TNRC18: variants seen among roughly 807,000 people sequenced by gnomAD.
TNRC18 encodes trinucleotide repeat containing 18.
Under a neutral mutation model 226.7 loss-of-function variants are expected in TNRC18, and 69 were observed. The observed-to-expected ratio is 0.30, with a 90% CI of 0.25 to 0.37. TNRC18 has a LOEUF of 0.37. TNRC18 is among the 10% of genes least tolerant of loss of function. TNRC18 has a pLI of 1.00. For synonymous variants in TNRC18, 2,449 were observed against 1,927.6 expected, an observed-to-expected ratio of 1.27 and a Z score of -7.09; for missense variants, 4,754 against 4,256.6, an observed-to-expected ratio of 1.12 and a Z score of -3.25.
chr7:5,312,890 GGAGGAA>G lies in TNRC18; in HGVS notation c.7995_8000del (p.Ser2670_Ser2671del), dbSNP rs1204230581. ...CCTCGTCTGTGGTGGAGGAAGAAGA[GGAGGAA>G]GAGGAGGAGGAGGAGGAGGATGAGG... is the stretch of plus-strand genomic sequence containing the variant. On this transcript the variant is annotated inframe_deletion, in exon 27 of 30. Transcript: ENST00000430969. This position sits in a 1 kb window ranked among gnomAD's most constrained non-coding sequence, Gnocchi z 6.3. The G allele has an allele frequency of 2.2e-5, 34 of 1,518,500 alleles. No homozygotes were observed. Among genetic ancestry groups the G allele is most frequent in the Admixed American group, 6.2e-5 (3 of 48,576 alleles). 94.1% of individuals were successfully genotyped at this position (1,518,500 alleles called of 1,614,324 possible). A position where few individuals can be genotyped will look rare whatever the true frequency, so the allele number is the denominator to read the frequency against.
chr7:5,345,544 C>G lies in TNRC18; in HGVS notation c.5719+18G>C, dbSNP rs1187785625. 7.0e-6 allele frequency: 10 copies of G among 1,423,506 alleles called. No individual in the cohort carries two copies. Among genetic ancestry groups the G allele is most frequent in the Non-Finnish European group, 6.5e-6 (7 of 1,079,996 alleles). 88.2% of individuals were successfully genotyped at this position (1,423,506 alleles called of 1,614,324 possible). A position where few individuals can be genotyped will look rare whatever the true frequency, so the allele number is the denominator to read the frequency against. On this transcript the variant is annotated intron_variant, in intron 18 of 29. Transcript: ENST00000430969. ...CCCTCCCACCCACCCCCACCGCAGC[C>G]CACCTGCTGCCACTTACCCAGCAGG...
In TNRC18 at chr7:5,376,195, G is replaced by A; in HGVS notation, c.2638C>T (p.Pro880Ser). ...AELMERATVP[P>S]LWPALYPPGR... ...GGCGGGTACAGGGCGGGCCAGAGGG[G>A]CGGTACGGTGGCCCGCTCCATCAGC... Residue 880 changes from proline (P) to serine (S), a missense_variant, in exon 9 of 30, where the codon CCC (proline) becomes TCC (serine). Pro to Ser is a moderately conservative substitution (Grantham distance 74). Transcript: ENST00000430969. The A allele has an allele frequency of 6.5e-7, 1 of 1,532,272 alleles. No individual in the cohort carries two copies. The highest frequency in any genetic ancestry group is 1.2e-5 in the South Asian group (1 of 80,324). 94.9% of individuals were successfully genotyped at this position (1,532,272 alleles called of 1,614,324 possible).
chr7:5,370,976 C>T lies in TNRC18; in HGVS notation c.3618G>A (p.Leu1206=), dbSNP rs746779527. The T allele has an allele frequency of 2.5e-6, 4 of 1,605,868 alleles. No homozygotes were observed. Among genetic ancestry groups the T allele is most frequent in the Admixed American group, 1.7e-5 (1 of 60,006 alleles). Residue 1206 remains leucine, a synonymous_variant, in exon 11 of 30, where the codon CTG becomes CTA. Transcript: ENST00000430969. The part of the protein sequence containing the change: ...CGGGLLEAQA[L]SATGQSCAEP... ...CTGCGCAGCTCTGCCCGGTGGCACT[C>T]AGCGCCTGGGCCTCCAACAGGCCAC...
intron 10 of TNRC18, among the ~76,000 whole-genome samples, chr7:5,371,951 G>A (rs1406967403): frequency 2.6e-5 from 4 of 152,142 alleles, no homozygotes; most frequent in East Asian, 1.9e-4. Flanking sequence ...AGGCTGGAAC[G>A]CAACGGCGCC....
At position 5,315,974 on chromosome 7, in the gene TNRC18, G is replaced by A; in HGVS notation, c.6844C>T (p.Pro2282Ser). The A allele has an allele frequency of 6.3e-7, 1 of 1,596,342 alleles. No individual in the cohort carries two copies. Among genetic ancestry groups the A allele is most frequent in the South Asian group, 1.1e-5 (1 of 88,700 alleles). ...CACTTACACTGTATCTTATAGTCAG[G>A]GGGCAGGAGGCGGATATGTGAGAGG... ...IPLSHIRLLP[P>S]DYKIQCAEPS... The change falls in exon 25 of 30, where the codon CCT becomes TCT. Residue 2282 changes from proline (P) to serine (S), a missense_variant. Physicochemically the swap from Pro to Ser is moderately conservative, Grantham distance 74 (BLOSUM62 -1). Coordinates refer to ENST00000430969, the MANE Select transcript of TNRC18 (RefSeq NM_001080495.3).
intron 2 of TNRC18, among the ~76,000 whole-genome samples, chr7:5,398,210 G>A (rs1451642677): frequency 6.6e-6 from 1 of 150,990 alleles, no homozygotes; most frequent in African/African-American, 2.4e-5. Flanking sequence ...CGCTCTTGTT[G>A]CCCAGGGTGG....
intron 5 of TNRC18, among the ~76,000 whole-genome samples, chr7:5,385,494 C>CAAAAAAAAAAAAAAAAA (rs60919833): frequency 1.1e-5 from 1 of 88,096 alleles, no homozygotes; most frequent in African/African-American, 3.6e-5. Context: ...GACTCCGTCT[C>CAAAAAAAAAAAAAAAAA]AAAAAAAAAA....
intron 4 of TNRC18, chr7:5,390,051 G>C: frequency 4.1e-6 from 1 of 244,072 alleles, no homozygotes; most frequent in Non-Finnish European, 7.7e-6. Flanking sequence ...GCCTGTGGGG[G>C]GTCTTAGGGA....
chr7:5,320,307 A>G lies in TNRC18; in HGVS notation c.6745+11T>C, dbSNP rs1788216077. 6.5e-7 allele frequency: 1 copy of G among 1,545,940 alleles called. No homozygotes were observed. ...AGGCGGCAGGGGAGAGCTGGGGAGGAGGCATCTCACCTCGGACCACAGTGC... is the reference window on the plus strand; with the variant it reads ...AGGCGGCAGGGGAGAGCTGGGGAGGGGGCATCTCACCTCGGACCACAGTGC... On this transcript the variant is annotated intron_variant, in intron 24 of 29. Transcript: ENST00000430969.
chr7:5,353,480 A>T (rs764445455), intron 16 of TNRC18, among the ~76,000 whole-genome samples: 1 of 147,308 alleles, frequency 6.8e-6, no homozygotes, highest in Non-Finnish European at 1.5e-5. Context: ...GATCACTTGA[A>T]CCCGGGAGGT....
chr7:5,316,451 G>T (rs1405552606), intron 24 of TNRC18, among the ~76,000 whole-genome samples: 3 of 151,854 alleles, frequency 2.0e-5, no homozygotes, highest in Admixed American at 6.6e-5. Flanking sequence ...GGCTAATTCT[G>T]TATTTTCAGT....
At chr7:5,311,671 T>A (rs990319010) in intron 27 of TNRC18, among the ~76,000 whole-genome samples, 7 of 151,324 alleles carry the variant, frequency 4.6e-5, no homozygotes, top group African/African-American at 1.7e-4. Flanking sequence ...AAAAATCAGC[T>A]GGGTAGCATG....
chr7:5,326,237 C>T (rs1413541147), intron 19 of TNRC18, among the ~76,000 whole-genome samples: 1 of 151,728 alleles, frequency 6.6e-6, no homozygotes, highest in Non-Finnish European at 1.5e-5. Flanking sequence ...CACAACCATG[C>T]ACACACAGTA....
In TNRC18 at chr7:5,306,850, C is replaced by CCAA. The variant is rs1018725836; in HGVS notation, c.*1253_*1255dup. On this transcript the variant is annotated 3_prime_UTR_variant, in exon 30 of 30. Transcript: ENST00000430969. ...ATGAAAAAAGATCACACAGAATTTG[C>CCAA]CAACAAACAAAATTCCAAAAGAAAC... is the stretch of plus-strand genomic sequence containing the variant. 2 of 148,950 alleles carry CCAA rather than the reference C, an allele frequency of 1.3e-5. No individual in the cohort carries two copies. Among genetic ancestry groups the CCAA allele is most frequent in the African/African-American group, 2.5e-5 (1 of 39,492 alleles). 9.2% of individuals were successfully genotyped at this position (148,950 alleles called of 1,614,324 possible). A position where few individuals can be genotyped will look rare whatever the true frequency, so the allele number is the denominator to read the frequency against.
rs181588318 is a variant in TNRC18 at position 5,384,675 on chromosome 7, C to T, written c.2152+2997G>A. Among the ~76,000 whole-genome samples, 10 of 152,324 alleles carry T rather than the reference C, an allele frequency of 6.6e-5. No homozygotes were observed. The East Asian group carries it at 1.9e-3, about 29-fold the overall frequency. ...CCAGAGAAAGGCTCAAAGAGATCTC[C>T]TGCCTCCCAGGGGGGCCCACAGCCC... On this transcript the variant is annotated intron_variant, in intron 5 of 29. Coordinates refer to ENST00000430969, the MANE Select transcript of TNRC18 (RefSeq NM_001080495.3).
chr7:5,396,628 C>A (rs1479359535), intron 2 of TNRC18, among the ~76,000 whole-genome samples: 3 of 152,316 alleles, frequency 2.0e-5, no homozygotes, highest in South Asian at 4.1e-4. Context: ...CCCAGCAACA[C>A]CCTCAGGAGG....
At chr7:5,406,480 A>T (rs1781471538) in intron 2 of TNRC18, among the ~76,000 whole-genome samples, 1 of 151,080 alleles carries the variant, frequency 6.6e-6, no homozygotes, top group Non-Finnish European at 1.5e-5. Context: ...ATTTTTTTTT[A>T]ATGTTTTTAA....
chr7:5,410,860 CAA>C (rs34320785), intron 2 of TNRC18, among the ~76,000 whole-genome samples: 506 of 37,096 alleles, frequency 0.014, 1 homozygote, highest in African/African-American at 0.044. Context: ...GACTCCATCT[CAA>C]AAAAAAAAAA....
intron 2 of TNRC18, among the ~76,000 whole-genome samples, chr7:5,405,196 G>A (rs1781383389): frequency 6.6e-6 from 1 of 152,156 alleles, no homozygotes; most frequent in South Asian, 2.1e-4. Context: ...GGGAAGCTGA[G>A]GCAGGAGGAT....
Sources: gnomAD v4.1 joint callset for allele counts (sites outside exome capture counted in the v4.1 genomes callset) on GRCh38, gnomAD v4.1.1 for gene constraint, Gnocchi (gnomAD v3.1) non-coding constraint, MANE v1.5 for transcripts, NCBI Gene and HGNC (gene_info 2026-07-23, HGNC 2026-07-21) for gene names.